The following SIM1 variants were observed in gnomAD, a reference collection of about 807,000 sequenced individuals.
The protein encoded by SIM1 is SIM bHLH transcription factor 1, also known as single-minded homolog 1.
SIM1 carries 18 observed loss-of-function variants against 78.2 expected under a neutral mutation model. The ratio of observed to expected loss-of-function variants is 0.23; its 90% CI spans 0.16 to 0.34. The LOEUF (loss-of-function observed/expected upper bound fraction) is 0.34, where lower values mean the gene tolerates loss of function less well. SIM1 is among the 10% of genes least tolerant of loss of function. The pLI, the probability that SIM1 is intolerant of heterozygous loss-of-function variation, is 1.00. For missense variants in SIM1, 939 were observed against 975.1 expected (o/e 0.96, Z 0.49); for synonymous variants, 417 against 385.2 (o/e 1.08, Z -0.97).
intron 2 of SIM1, among the ~76,000 whole-genome samples, chr6:100,461,777 C>T (rs3798483): frequency 0.86 from 130,591 of 151,458 alleles, 56,612 homozygotes; most frequent in African/African-American, 0.95. Context: ...ACAGTTTGAA[C>T]GGGAAATGTG....
In SIM1 at chr6:100,463,410, A is replaced by T. The variant is rs778829133; in HGVS notation, c.59T>A (p.Phe20Tyr). 1.2e-5 allele frequency: 20 copies of T among 1,613,772 alleles called. No individual in the cohort carries two copies. The highest frequency in any genetic ancestry group is 1.7e-5 in the Non-Finnish European group (20 of 1,179,862). ...AGGCAGTAATTTAGCCAGTTCATAA[A>T]ATTCACTGTTTTCCTTCTCCCTCCT... The part of the protein sequence containing the change: ...RTRREKENSE[F>Y]YELAKLLPLP... Residue 20 changes from phenylalanine to tyrosine, a missense_variant, in exon 2 of 12, where the codon TTT becomes TAT. By Grantham distance (22) the Phe-to-Tyr change is conservative. Coordinates refer to ENST00000369208, the MANE Select transcript of SIM1 (RefSeq NM_005068.3).
intron 3 of SIM1, among the ~76,000 whole-genome samples, chr6:100,450,686 T>TCC (rs1772487836): frequency 1.1e-5 from 1 of 94,456 alleles, no homozygotes; most frequent in African/African-American, 5.2e-5. Context: ...TCTCTCTCTC[T>TCC]CTCTCTCTCT....
At chr6:100,440,684 T>C (rs1772189647) in intron 9 of SIM1, among the ~76,000 whole-genome samples, 1 of 152,218 alleles carries the variant, frequency 6.6e-6, no homozygotes, top group Non-Finnish European at 1.5e-5. Flanking sequence ...AATCCTTTTT[T>C]GCATGAAGGC....
At chr6:100,395,787 G>A (rs550802442) in intron 10 of SIM1, among the ~76,000 whole-genome samples, 1 of 152,304 alleles carries the variant, frequency 6.6e-6, no homozygotes, top group South Asian at 2.1e-4. Context: ...CAACTCAGCT[G>A]AGGGCTGTTG....
intron 9 of SIM1, among the ~76,000 whole-genome samples, chr6:100,433,412 T>A (rs1309906829): frequency 6.6e-6 from 1 of 152,192 alleles, no homozygotes; most frequent in Non-Finnish European, 1.5e-5. Flanking sequence ...ACTCTCCCTG[T>A]AGGACTCCAC....
chr6:100,463,405 C>T lies in SIM1; in HGVS notation c.64G>A (p.Glu22Lys), dbSNP rs1772904917. Residue 22 changes from glutamate (E) to lysine (K), a missense_variant, in exon 2 of 12, where the codon GAA becomes AAA. Around this residue, in one of 5 missense-constraint regions of SIM1, gnomAD observed 121 missense variants for 124.6 expected, o/e 0.97. Transcript: ENST00000369208. Reference protein sequence around the residue: ...RREKENSEFYELAKLLPLPSA... With the variant: ...RREKENSEFYKLAKLLPLPSA... ...GGCAAAGGCAGTAATTTAGCCAGTT[C>T]ATAAAATTCACTGTTTTCCTTCTCC... The T allele has an allele frequency of 2.5e-6, 4 of 1,613,904 alleles. No homozygotes were observed. Among genetic ancestry groups the T allele is most frequent in the African/African-American group, 2.7e-5 (2 of 74,916 alleles).
Position 100,385,238 on chromosome 6 carries a change from C to T in SIM1, c.*5123G>A, listed in dbSNP as rs895467037. On this transcript the variant is annotated 3_prime_UTR_variant, in exon 12 of 12. Coordinates refer to ENST00000369208, the MANE Select transcript of SIM1 (RefSeq NM_005068.3). ...TACTACAATGTCACTAAAAACTATACATTGCAAGACGGTATTTGAAATATT... is the reference window on the plus strand; with the variant it reads ...TACTACAATGTCACTAAAAACTATATATTGCAAGACGGTATTTGAAATATT... The T allele has an allele frequency of 1.3e-5, 2 of 151,988 alleles. No individual in the cohort carries two copies. The highest frequency in any genetic ancestry group is 2.9e-5 in the Non-Finnish European group (2 of 67,932). The allele number at this position is 151,988 out of a possible 1,614,324, so 9.4% of individuals were successfully genotyped here.
At chr6:100,432,584 A>G (rs1458713880) in intron 9 of SIM1, among the ~76,000 whole-genome samples, 1 of 151,974 alleles carries the variant, frequency 6.6e-6, no homozygotes, top group Non-Finnish European at 1.5e-5. Context: ...AAGTACTCCC[A>G]CCCCTACTTC....
chr6:100,448,374 C>A, intron 7 of SIM1, 105 bp downstream of exon 7: 3 of 1,393,366 alleles, frequency 2.2e-6, no homozygotes, highest in South Asian at 1.3e-5. Flanking sequence ...CCGATTCAGT[C>A]GCCTCATGTG....
intron 3 of SIM1, among the ~76,000 whole-genome samples, chr6:100,451,357 T>A (rs1772508619): frequency 6.6e-6 from 1 of 152,176 alleles, no homozygotes; most frequent in Non-Finnish European, 1.5e-5. Context: ...ATAGGACCAA[T>A]CTAGTGTATT....
At chr6:100,450,690 T>TCA (rs1235022200) in intron 3 of SIM1, among the ~76,000 whole-genome samples, 12 of 97,366 alleles carry the variant, frequency 1.2e-4, no homozygotes, top group South Asian at 4.7e-4. Flanking sequence ...TCTCTCTCTC[T>TCA]CTCTCTCACA....
chr6:100,438,572 C>G (rs999640192), intron 9 of SIM1, among the ~76,000 whole-genome samples: 1 of 152,198 alleles, frequency 6.6e-6, no homozygotes, highest in Non-Finnish European at 1.5e-5. Context: ...AAGGAACTAA[C>G]AGTAGAACTA....
chr6:100,389,119 C>T lies in SIM1; in HGVS notation c.*1242G>A, dbSNP rs1477825579. ...CAACTGTGGTCACAAAATTAAGTTA[C>T]AGGTAGGGCCAAAATTAGAATCCAG... On this transcript the variant is annotated 3_prime_UTR_variant, in exon 12 of 12. Transcript: ENST00000369208. 1 of 152,382 alleles carries T rather than the reference C, an allele frequency of 6.6e-6. No homozygotes were observed. The highest frequency in any genetic ancestry group is 2.1e-4 in the South Asian group (1 of 4,828). The allele number at this position is 152,382 out of a possible 1,614,324, so 9.4% of individuals were successfully genotyped here. A position where few individuals can be genotyped will look rare whatever the true frequency, so the allele number is the denominator to read the frequency against.
At chr6:100,458,863 G>A (rs892287186) in intron 2 of SIM1, among the ~76,000 whole-genome samples, 2 of 152,240 alleles carry the variant, frequency 1.3e-5, no homozygotes, top group Non-Finnish European at 2.9e-5. Context: ...AGAGTAGCAG[G>A]ACCATTCCTA....
At chr6:100,456,992 C>A (rs537647306) in intron 2 of SIM1, among the ~76,000 whole-genome samples, 1 of 152,324 alleles carries the variant, frequency 6.6e-6, no homozygotes, top group East Asian at 1.9e-4. Context: ...CCCACAGGCA[C>A]CATTTAGGCC....
At chr6:100,450,696 T>TCACACACACACA (rs112151329) in intron 3 of SIM1, among the ~76,000 whole-genome samples, 15 of 91,878 alleles carry the variant, frequency 1.6e-4, no homozygotes, top group African/African-American at 4.7e-4. Context: ...TCTCTCTCTC[T>TCACACACACACA]CACACACACA....
chr6:100,456,480 A>G (rs1385911691), intron 2 of SIM1, among the ~76,000 whole-genome samples: 1 of 152,242 alleles, frequency 6.6e-6, no homozygotes, highest in Non-Finnish European at 1.5e-5. Flanking sequence ...TTCTCTTGCA[A>G]TTCGGCGAGG....
Position 100,386,891 on chromosome 6 carries a change from G to C in SIM1, c.*3470C>G, listed in dbSNP as rs753803147. ...GCGAGCACAATATGACAAAAGACTT[G>C]TGGACCGAAGCACACCTAAATATCT... On this transcript the variant is annotated 3_prime_UTR_variant, in exon 12 of 12. Transcript: ENST00000369208. The C allele has an allele frequency of 2.6e-5, 4 of 152,038 alleles. No homozygotes were observed. The highest frequency in any genetic ancestry group is 4.8e-5 in the African/African-American group (2 of 41,426). The allele number at this position is 152,038 out of a possible 1,614,324, so 9.4% of individuals were successfully genotyped here.
At chr6:100,394,452 C>G (rs1770721869) in intron 10 of SIM1, among the ~76,000 whole-genome samples, 1 of 152,166 alleles carries the variant, frequency 6.6e-6, no homozygotes, top group African/African-American at 2.4e-5. Flanking sequence ...GTCCCCCAGG[C>G]TGGAGTGCAG....
Sources: allele counts gnomAD v4.1 joint callset (sites outside exome capture counted in the v4.1 genomes callset), GRCh38; gene constraint gnomAD v4.1.1; regional missense constraint gnomAD v4.1.1; transcripts MANE v1.5; gene names NCBI Gene and HGNC (gene_info 2026-07-23, HGNC 2026-07-21).